Variants in FAM53A observed in about 807,000 individuals in gnomAD.
FAM53A encodes the protein protein FAM53A.
Under a neutral mutation model 26.6 loss-of-function variants are expected in FAM53A, and 28 were observed. That is an observed-to-expected ratio of 1.05 (90% CI 0.78 to 1.45). The LOEUF (loss-of-function observed/expected upper bound fraction) is 1.45. Among genes scored for constraint, FAM53A ranks in the 40% most tolerant of loss-of-function variants. The pLI, the probability that FAM53A is intolerant of heterozygous loss-of-function variation, is 0.00. For synonymous variants in FAM53A, 290 were observed against 253.1 expected (o/e 1.15, Z -1.38); for missense variants, 650 against 575.8 (o/e 1.13, Z -1.32).
At chr4:1,672,218 C>T (rs1337800486) in intron 1 of FAM53A, among the ~76,000 whole-genome samples, 1 of 150,260 alleles carries the variant, frequency 6.7e-6, no homozygotes, top group Non-Finnish European at 1.5e-5. Flanking sequence ...CCCACAGATC[C>T]AGGAACCCAT....
At chr4:1,654,854 T>A (rs1713173379) in intron 4 of FAM53A, 124 bp downstream of exon 4, 9 of 1,338,472 alleles carry the variant, frequency 6.7e-6, no homozygotes, top group Non-Finnish European at 8.8e-6. Flanking sequence ...ACTCCTTTCC[T>A]CCCAGCCCAG....
At chr4:1,632,939 GCA>G (rs545055348) in intron 1 of FAM53A, among the ~76,000 whole-genome samples, 24 of 152,330 alleles carry the variant, frequency 1.6e-4, no homozygotes, top group Non-Finnish European at 3.2e-4. Context: ...AGGCACATAT[GCA>G]CACACGTGCA....
intron 1 of FAM53A, among the ~76,000 whole-genome samples, chr4:1,671,129 C>T (rs372775915): frequency 1.4e-3 from 202 of 145,712 alleles, no homozygotes; most frequent in South Asian, 0.013. Context: ...CAGCTCACAG[C>T]CACAGCCATG....
downstream of FAM53A, among the ~76,000 whole-genome samples, chr4:1,613,345 A>C (rs953008352): frequency 1.2e-4 from 19 of 152,164 alleles, no homozygotes; most frequent in Admixed American, 1.2e-3. Flanking sequence ...CCTGTCAAAG[A>C]GCAGAAGTGA....
chr4:1,639,990 A>T lies in FAM53A; in HGVS notation c.*1303T>A, dbSNP rs1360944705. 1 of 152,292 alleles carries T rather than the reference A, an allele frequency of 6.6e-6. No individual in the cohort carries two copies. The highest frequency in any genetic ancestry group is 2.4e-5 in the African/African-American group (1 of 41,478). The allele number at this position is 152,292 out of a possible 1,614,324, so 9.4% of individuals were successfully genotyped here. A position where few individuals can be genotyped will look rare whatever the true frequency, so the allele number is the denominator to read the frequency against. ...CTTGTCTGGTTCTGAGCCAGAGACCAGAGGCCTGAGGCGCAGCCAGGCCCA... is the reference window on the plus strand; with the variant it reads ...CTTGTCTGGTTCTGAGCCAGAGACCTGAGGCCTGAGGCGCAGCCAGGCCCA... On this transcript the variant is annotated 3_prime_UTR_variant, in exon 5 of 5. Coordinates refer to ENST00000308132, the MANE Select transcript of FAM53A (RefSeq NM_001174070.3).
the FAM53A span, among the ~76,000 whole-genome samples, chr4:1,593,118 TGCGGGAGCCGGTG>T: frequency 2.0e-5 from 3 of 152,090 alleles, no homozygotes; most frequent in Non-Finnish European, 4.4e-5. Flanking sequence ...AGGCGTCCTG[TGCGGGAGCCGGTG>T]GCGGCCAGAG....
In FAM53A at chr4:1,655,105, C is replaced by A. The variant is rs199989747; in HGVS notation, c.755G>T (p.Arg252Leu). The A allele has an allele frequency of 1.7e-5, 27 of 1,600,974 alleles. No individual in the cohort carries two copies. In the Admixed American group the frequency reaches 4.6e-4, roughly 27 times the overall value. ...SPTSTPALGG[R>L]RGLLRCRSQP... is the part of the protein sequence containing the mutation. ...TGAGCGGCACCGGAGCAGCCCACGGCGCCCGCCCAGCGCAGGCGTGGACGT... is the reference window on the plus strand; with the variant it reads ...TGAGCGGCACCGGAGCAGCCCACGGAGCCCGCCCAGCGCAGGCGTGGACGT... The change falls in exon 4 of 5, where the codon CGC becomes CTC. Residue 252 changes from arginine (R) to leucine (L), a missense_variant. Coordinates refer to ENST00000308132, the MANE Select transcript of FAM53A (RefSeq NM_001174070.3).
chr4:1,590,994 ATATAT>A, the FAM53A span, among the ~76,000 whole-genome samples: 1 of 126,438 alleles, frequency 7.9e-6, no homozygotes, highest in Admixed American at 7.7e-5. Flanking sequence ...ATATATATAT[ATATAT>A]ATAATCATTC....
intron 1 of FAM53A, among the ~76,000 whole-genome samples, chr4:1,621,244 C>G (rs2108744179): frequency 6.6e-6 from 1 of 151,898 alleles, no homozygotes; most frequent in South Asian, 2.1e-4. Context: ...ACTGGGACTA[C>G]AGGCGCCCGC....
chr4:1,664,187 G>A (rs1714059051), intron 2 of FAM53A, among the ~76,000 whole-genome samples: 1 of 152,236 alleles, frequency 6.6e-6, no homozygotes, highest in Non-Finnish European at 1.5e-5. Context: ...TTTTAGGTGT[G>A]AAAATGACAT....
intron 1 of FAM53A, among the ~76,000 whole-genome samples, chr4:1,626,043 G>A (rs1050495457): frequency 2.6e-5 from 4 of 152,146 alleles, no homozygotes; most frequent in South Asian, 2.1e-4. Flanking sequence ...GCCCCGACTC[G>A]GTGTGGCTGC....
intron 2 of FAM53A, among the ~76,000 whole-genome samples, chr4:1,661,849 C>T (rs893649029): frequency 6.6e-6 from 1 of 152,094 alleles, no homozygotes; most frequent in African/African-American, 2.4e-5. Flanking sequence ...CATTCCTCCA[C>T]ATGGTTACAC....
At chr4:1,599,224 GCGCAGGGCCGTCAGCTCCAACCC>G in the FAM53A span, among the ~76,000 whole-genome samples, 1 of 146,658 alleles carries the variant, frequency 6.8e-6, no homozygotes, top group Non-Finnish European at 1.5e-5. The surrounding 1 kb of genome is among the most constrained non-coding windows in gnomAD (Gnocchi z 6.1). Context: ...GGGTGCCGGA[GCGCAGGGCCGTCAGCTCCAACCC>G]TGCCTGGTAC....
At chr4:1,637,846 G>A (rs895684145), downstream of FAM53A, among the ~76,000 whole-genome samples, 7 of 152,088 alleles carry the variant, frequency 4.6e-5, no homozygotes, top group Non-Finnish European at 5.9e-5. Flanking sequence ...CGGGCTGACC[G>A]CTGAGGTGGG....
intron 4 of FAM53A, among the ~76,000 whole-genome samples, chr4:1,648,631 CG>C (rs1712455216): frequency 6.6e-6 from 1 of 152,176 alleles, no homozygotes. Flanking sequence ...TGAAGACACT[CG>C]TGAGCAAGCA....
intron 1 of FAM53A, among the ~76,000 whole-genome samples, chr4:1,669,858 C>T (rs1714502996): frequency 6.6e-6 from 1 of 152,238 alleles, no homozygotes; most frequent in South Asian, 2.1e-4. Flanking sequence ...GGAATTAAGA[C>T]AGCAGTGACG....
the FAM53A span, among the ~76,000 whole-genome samples, chr4:1,597,378 C>A: frequency 1.3e-5 from 2 of 152,270 alleles, no homozygotes; most frequent in Middle Eastern, 6.8e-3. Context: ...CCCGTGCCCC[C>A]ACGTCTACCC....
At chr4:1,660,249 C>T (rs1358113502) in intron 2 of FAM53A, among the ~76,000 whole-genome samples, 1 of 152,016 alleles carries the variant, frequency 6.6e-6, no homozygotes, top group Admixed American at 6.6e-5. Context: ...CACCACTGCA[C>T]TCCAGCCTGG....
chr4:1,615,856 G>A (rs566391561), downstream of FAM53A, among the ~76,000 whole-genome samples: 27 of 152,338 alleles, frequency 1.8e-4, no homozygotes, highest in South Asian at 1.5e-3. Context: ...CTCCAAAGCC[G>A]CCATGCAGCA....
Sources: allele counts gnomAD v4.1 joint callset (sites outside exome capture counted in the v4.1 genomes callset), GRCh38; gene constraint gnomAD v4.1.1; non-coding constraint Gnocchi (gnomAD v3.1); transcripts MANE v1.5; gene names NCBI Gene and HGNC (gene_info 2026-07-23, HGNC 2026-07-21).